The following ZNF831 variants were observed in gnomAD, a reference collection of about 807,000 sequenced individuals.
ZNF831 encodes zinc finger protein 831.
In ZNF831, 59 loss-of-function variants were observed where a neutral mutation model predicts 95.8. The ratio of observed to expected loss-of-function variants is 0.62; its 90% CI spans 0.50 to 0.77. ZNF831 has a LOEUF of 0.77. Ranked by LOEUF, ZNF831 falls within the 30% of genes least tolerant of loss-of-function variation. ZNF831 has a pLI of 0.00. For missense variants in ZNF831, 2,205 were observed against 2,164.0 expected, an observed-to-expected ratio of 1.02 and a Z score of -0.38; for synonymous variants, 961 against 925.5, an observed-to-expected ratio of 1.04 and a Z score of -0.70.
At chr20:59,223,728 C>T (rs1986250954) in intron 4 of ZNF831, among the ~76,000 whole-genome samples, 1 of 152,196 alleles carries the variant, frequency 6.6e-6, no homozygotes, top group Non-Finnish European at 1.5e-5. Context: ...GTGGTGAGGC[C>T]AGCTGGCTGG....
At position 59,236,470 on chromosome 20, in the gene ZNF831, T is replaced by C. The variant is rs536097984; in HGVS notation, c.4028-16508T>C. 5.9e-5 allele frequency among the ~76,000 whole-genome samples: 9 copies of C among 152,268 alleles called. No homozygotes were observed. The South Asian group carries it at 1.9e-3, about 32-fold the overall frequency. On this transcript the variant is annotated intron_variant, in intron 4 of 5. Coordinates refer to ENST00000371030, the MANE Select transcript of ZNF831 (RefSeq NM_178457.3). ...CCTTTTTTTGTTTTTGTTTTTTGTT[T>C]TTTTGAGACAGAGTCTCACTGTGTT...
At chr20:59,222,925 A>G (rs956235615) in intron 4 of ZNF831, among the ~76,000 whole-genome samples, 1 of 152,200 alleles carries the variant, frequency 6.6e-6, no homozygotes, top group African/African-American at 2.4e-5. Context: ...TTTTGATCCT[A>G]GTTCCTTGGC....
At position 59,193,019 on chromosome 20, in the gene ZNF831, G is replaced by A. The variant is rs2146575832; in HGVS notation, c.2000G>A (p.Ser667Asn). Residue 667 changes from serine to asparagine, a missense_variant, in exon 2 of 6, where the codon AGC becomes AAC. By Grantham distance (46) the Ser-to-Asn change is conservative. Transcript: ENST00000371030. Reference protein sequence around the residue: ...GFPLQKEAAGSSGTVPTQDRR... With the variant: ...GFPLQKEAAGNSGTVPTQDRR... The stretch of plus-strand genomic sequence containing the variant: ...CCTCTGCAGAAAGAGGCAGCAGGGA[G>A]CTCAGGCACAGTCCCCACCCAAGAC... 3 of 1,574,296 alleles carry A rather than the reference G, an allele frequency of 1.9e-6. No individual in the cohort carries two copies. Among genetic ancestry groups the A allele is most frequent in the Non-Finnish European group, 2.6e-6 (3 of 1,161,468 alleles).
In ZNF831 at chr20:59,169,299, T is replaced by C. The variant is rs1339431448; in HGVS notation, c.-37+5092T>C. On this transcript the variant is annotated intron_variant, in intron 1 of 5. Coordinates refer to ENST00000371030, the MANE Select transcript of ZNF831 (RefSeq NM_178457.3). This position sits in a 1 kb window ranked among gnomAD's most constrained non-coding sequence, Gnocchi z 4.1. Reference sequence around the variant, plus strand: ...ATGGTAGTTTGCGCTTTTTGAGGAATTGGTCCACTTCATCTAAGTCATCAA... The same window carrying C: ...ATGGTAGTTTGCGCTTTTTGAGGAACTGGTCCACTTCATCTAAGTCATCAA... Among the ~76,000 whole-genome samples the C allele has an allele frequency of 6.6e-6, 1 of 152,208 alleles. No individual in the cohort carries two copies. The highest frequency in any genetic ancestry group is 2.4e-5 in the African/African-American group (1 of 41,450).
At chr20:59,173,739 T>C (rs964810471) in intron 1 of ZNF831, among the ~76,000 whole-genome samples, 1 of 152,200 alleles carries the variant, frequency 6.6e-6, no homozygotes, top group Admixed American at 6.5e-5. Context: ...TAGGGATCTC[T>C]TGGGACCATT....
chr20:59,198,916 A>G (rs1052461293), intron 3 of ZNF831, among the ~76,000 whole-genome samples: 1 of 152,084 alleles, frequency 6.6e-6, no homozygotes, highest in South Asian at 2.1e-4. Context: ...CAGAAAAAGC[A>G]TCAGCACCAT....
chr20:59,124,874 G>T, intron 1 of ZNF831, among the ~76,000 whole-genome samples: 1 of 152,196 alleles, frequency 6.6e-6, no homozygotes, highest in South Asian at 2.1e-4. Flanking sequence ...CACGCTGGGA[G>T]TGTGTTCAGG....
chr20:59,184,410 CT>C lies in ZNF831; in HGVS notation c.-36-6565del, dbSNP rs1344005619. Among the ~76,000 whole-genome samples the C allele has an allele frequency of 9.2e-5, 14 of 151,392 alleles. No individual in the cohort carries two copies. The South Asian group carries it at 2.3e-3, about 25-fold the overall frequency. On this transcript the variant is annotated intron_variant, in intron 1 of 5. Coordinates refer to ENST00000371030, the MANE Select transcript of ZNF831 (RefSeq NM_178457.3). ...TATAGTTCCTCTTCCTCCCTCCCCC[CT>C]TTTTTTTTACTTTCTGAAAATTGCG...
At chr20:59,239,760 G>A (rs145330101) in intron 4 of ZNF831, among the ~76,000 whole-genome samples, 341 of 152,252 alleles carry the variant, frequency 2.2e-3, no homozygotes, top group Admixed American at 4.8e-3. Flanking sequence ...GGCCAGGCTG[G>A]TCTTGAACTC....
chr20:59,202,620 T>C (rs1984613887), intron 3 of ZNF831, among the ~76,000 whole-genome samples: 1 of 152,188 alleles, frequency 6.6e-6, no homozygotes, highest in African/African-American at 2.4e-5. Context: ...GGAGTATTTA[T>C]TTCTAATTCA....
rs2146596378 is a variant in ZNF831, at chr20:59,194,256, C to T, written c.3237C>T (p.Cys1079=). The part of the protein sequence containing the change: ...EGDSHRIHRL[C]MGSTLARARL... ...ACAGCCACCGTATCCATCGCCTCTG[C>T]ATGGGCAGCACTTTGGCAAGGGCCA... The change falls in exon 2 of 6, where the codon TGC becomes TGT. Residue 1079 remains cysteine (C), a synonymous_variant. Coordinates refer to ENST00000371030, the MANE Select transcript of ZNF831 (RefSeq NM_178457.3). 1.9e-6 allele frequency: 3 copies of T among 1,614,046 alleles called. No individual in the cohort carries two copies. Among genetic ancestry groups the T allele is most frequent in the Non-Finnish European group, 2.5e-6 (3 of 1,180,014 alleles).
At chr20:59,125,486 C>T (rs1034606009) in intron 1 of ZNF831, among the ~76,000 whole-genome samples, 1 of 152,214 alleles carries the variant, frequency 6.6e-6, no homozygotes. Context: ...TTAGTGAGAT[C>T]CCCAGGCACT....
intron 3 of ZNF831, among the ~76,000 whole-genome samples, chr20:59,204,966 C>G (rs1013664800): frequency 2.6e-5 from 4 of 152,206 alleles, no homozygotes; most frequent in Non-Finnish European, 4.4e-5. Flanking sequence ...CCAAGGTCCA[C>G]TTGGGCTGTT....
At chr20:59,202,200 C>T (rs879439105) in intron 3 of ZNF831, among the ~76,000 whole-genome samples, 2 of 152,050 alleles carry the variant, frequency 1.3e-5, no homozygotes, top group Non-Finnish European at 2.9e-5. Context: ...TTTTATTGGT[C>T]TGCTAAAGTT....
chr20:59,204,043 A>G (rs1056975462), intron 3 of ZNF831, among the ~76,000 whole-genome samples: 1 of 152,228 alleles, frequency 6.6e-6, no homozygotes, highest in Non-Finnish European at 1.5e-5. Context: ...CTTCCAACAA[A>G]TGGAACAATG....
chr20:59,246,440 C>T (rs904839289), intron 4 of ZNF831, among the ~76,000 whole-genome samples: 1 of 152,158 alleles, frequency 6.6e-6, no homozygotes, highest in African/African-American at 2.4e-5. Flanking sequence ...CATTTAGCAA[C>T]AAGAAACTTT....
chr20:59,252,383 A>T (rs1002282222), intron 4 of ZNF831, among the ~76,000 whole-genome samples: 2 of 152,138 alleles, frequency 1.3e-5, no homozygotes, highest in African/African-American at 4.8e-5. Flanking sequence ...CTGGTATGCC[A>T]GGTCATCAGT....
chr20:59,207,143 G>A, intron 4 of ZNF831, 87 bp downstream of exon 4: 1 of 1,518,338 alleles, frequency 6.6e-7, no homozygotes, highest in East Asian at 2.3e-5. Context: ...GGATGGGCAG[G>A]AGTCAGCCCC....
chr20:59,214,470 A>C (rs952372693), intron 4 of ZNF831, among the ~76,000 whole-genome samples: 4 of 152,174 alleles, frequency 2.6e-5, no homozygotes, highest in Non-Finnish European at 5.9e-5. Context: ...TTTCCACTGG[A>C]CAGCTACTCC....
Sources: gnomAD v4.1 joint callset for allele counts (sites outside exome capture counted in the v4.1 genomes callset) on GRCh38, gnomAD v4.1.1 for gene constraint, Gnocchi (gnomAD v3.1) non-coding constraint, MANE v1.5 for transcripts, NCBI Gene and HGNC (gene_info 2026-07-23, HGNC 2026-07-21) for gene names.